The following CREB5 variants were observed in gnomAD, a reference collection of about 807,000 sequenced individuals.
CREB5 encodes cAMP responsive element binding protein 5.
In CREB5, 19 loss-of-function variants were observed where a neutral mutation model predicts 57.1. That is an observed-to-expected ratio of 0.33 (90% CI 0.23 to 0.49). The LOEUF is 0.49. Ranked by LOEUF, CREB5 falls within the 20% of genes least tolerant of loss-of-function variation. The probability of loss-of-function intolerance (pLI) is 0.99; values close to 1 mark genes in which losing one functional copy is unlikely to be tolerated. For synonymous variants in CREB5, 238 were observed against 238.3 expected, an observed-to-expected ratio of 1.00 and a Z score of 0.01; for missense variants, 579 against 671.6, an observed-to-expected ratio of 0.86 and a Z score of 1.52.
chr7:28,682,688 G>C (rs546905072), intron 5 of CREB5, among the ~76,000 whole-genome samples: 20 of 148,734 alleles, frequency 1.3e-4, no homozygotes, highest in East Asian at 3.9e-4. Flanking sequence ...AAAGTGGGGG[G>C]GGGGGGAAAC....
At chr7:28,371,069 C>G (rs1405371955) in intron 1 of CREB5, among the ~76,000 whole-genome samples, 1 of 152,146 alleles carries the variant, frequency 6.6e-6, no homozygotes, top group Non-Finnish European at 1.5e-5. Context: ...TGACAGGAGA[C>G]AGCAAGTAAG....
At chr7:28,624,920 C>T (rs559109458) in intron 5 of CREB5, among the ~76,000 whole-genome samples, 47 of 151,896 alleles carry the variant, frequency 3.1e-4, no homozygotes, top group African/African-American at 1.0e-3. Context: ...GCCTGGATGA[C>T]TCTGGGCCAG....
chr7:28,326,501 T>C (rs1409417185), intron 1 of CREB5, among the ~76,000 whole-genome samples: 1 of 152,246 alleles, frequency 6.6e-6, no homozygotes, highest in African/African-American at 2.4e-5. Flanking sequence ...TAACAACTTA[T>C]AACTTTCCAG....
intron 1 of CREB5, among the ~76,000 whole-genome samples, chr7:28,413,590 T>G (rs1394196626): frequency 2.0e-5 from 3 of 152,178 alleles, no homozygotes; most frequent in African/African-American, 7.2e-5. Flanking sequence ...AAGCCCACTA[T>G]TTTTAATGTA....
At chr7:28,409,123 A>C (rs1208208076), upstream of CREB5, among the ~76,000 whole-genome samples, 2 of 151,496 alleles carry the variant, frequency 1.3e-5, no homozygotes, top group Non-Finnish European at 3.0e-5. This position sits in a 1 kb window ranked among gnomAD's most constrained non-coding sequence, Gnocchi z 4.4. Context: ...TGGGCTCTGC[A>C]AGCTGTTGCT....
intron 5 of CREB5, among the ~76,000 whole-genome samples, chr7:28,575,774 G>A (rs866624066): frequency 5.9e-5 from 9 of 152,186 alleles, no homozygotes; most frequent in Admixed American, 1.3e-4. Context: ...GAACATTTAC[G>A]AGGGCCCTTC....
At chr7:28,608,511 C>A (rs1476084579) in intron 5 of CREB5, among the ~76,000 whole-genome samples, 4 of 152,110 alleles carry the variant, frequency 2.6e-5, no homozygotes, top group African/African-American at 7.2e-5. Flanking sequence ...AAGGATGATG[C>A]TCTGAAACTT....
intron 5 of CREB5, among the ~76,000 whole-genome samples, chr7:28,711,466 A>G (rs1446786753): frequency 1.3e-5 from 2 of 152,216 alleles, no homozygotes; most frequent in South Asian, 4.1e-4. Context: ...TCTGCTCTCT[A>G]GGAGCTTGAC....
intron 5 of CREB5, among the ~76,000 whole-genome samples, chr7:28,683,274 C>T (rs1239256061): frequency 6.6e-6 from 1 of 152,102 alleles, no homozygotes; most frequent in Non-Finnish European, 1.5e-5. Context: ...CTCTCTTTAG[C>T]TGCTCACAGG....
intron 1 of CREB5, among the ~76,000 whole-genome samples, chr7:28,344,702 A>G (rs1206228607): frequency 2.6e-5 from 4 of 152,124 alleles, no homozygotes; most frequent in Non-Finnish European, 5.9e-5. Context: ...CAATCTAAAG[A>G]CAGAATGGCT....
intron 5 of CREB5, among the ~76,000 whole-genome samples, chr7:28,621,414 T>C (rs1292178653): frequency 6.6e-6 from 1 of 152,210 alleles, no homozygotes; most frequent in African/African-American, 2.4e-5. Flanking sequence ...TGTTCATTCA[T>C]TTCTAACCGG....
chr7:28,426,865 G>C (rs1481196501), intron 1 of CREB5, among the ~76,000 whole-genome samples: 2 of 152,206 alleles, frequency 1.3e-5, no homozygotes, highest in Non-Finnish European at 2.9e-5. Flanking sequence ...TTAGCATAGA[G>C]TAGATGGTGA....
chr7:28,761,780 G>A (rs1271149259), intron 7 of CREB5, among the ~76,000 whole-genome samples: 3 of 151,900 alleles, frequency 2.0e-5, no homozygotes, highest in East Asian at 3.9e-4. Context: ...ATATTTGTGT[G>A]TGGAGGGGTC....
intron 1 of CREB5, among the ~76,000 whole-genome samples, chr7:28,365,474 C>T (rs1378522699): frequency 6.6e-6 from 1 of 152,168 alleles, no homozygotes; most frequent in Non-Finnish European, 1.5e-5. Context: ...CTCTATTGAA[C>T]TCTTCCCATC....
intron 5 of CREB5, among the ~76,000 whole-genome samples, chr7:28,663,113 C>T (rs1034930659): frequency 2.7e-5 from 4 of 148,952 alleles, no homozygotes; most frequent in Non-Finnish European, 5.9e-5. Flanking sequence ...CCACTGCACT[C>T]CAGCCTGGGT....
At chr7:28,717,139 G>A (rs1802739016) in intron 5 of CREB5, among the ~76,000 whole-genome samples, 1 of 143,138 alleles carries the variant, frequency 7.0e-6, no homozygotes, top group Non-Finnish European at 1.5e-5. Flanking sequence ...CCAGGCTGGA[G>A]TGCAGTGGTA....
At chr7:28,567,031 T>G (rs114764183) in intron 4 of CREB5, among the ~76,000 whole-genome samples, 1 of 152,188 alleles carries the variant, frequency 6.6e-6, no homozygotes, top group Non-Finnish European at 1.5e-5. Flanking sequence ...TCTGAAGAAA[T>G]TAAACCTATT....
chr7:28,483,546 AGAG>A (rs1322283162), intron 1 of CREB5, among the ~76,000 whole-genome samples: 1 of 152,168 alleles, frequency 6.6e-6, no homozygotes, highest in African/African-American at 2.4e-5. Flanking sequence ...ATTTTGGAAA[AGAG>A]GAACAAAAAT....
intron 5 of CREB5, among the ~76,000 whole-genome samples, chr7:28,696,599 G>T (rs1181929905): frequency 6.6e-6 from 1 of 152,066 alleles, no homozygotes; most frequent in East Asian, 1.9e-4. Flanking sequence ...GTGGTTTTCT[G>T]TATAGTAGTT....
Sources: allele counts gnomAD v4.1 joint callset (sites outside exome capture counted in the v4.1 genomes callset), GRCh38; gene constraint gnomAD v4.1.1; non-coding constraint Gnocchi (gnomAD v3.1); transcripts MANE v1.5; gene names NCBI Gene and HGNC (gene_info 2026-07-23, HGNC 2026-07-21).